The following ITGBL1 variants were observed in gnomAD, a reference collection of about 807,000 sequenced individuals.
ITGBL1 encodes integrin beta-like protein 1.
In ITGBL1, 51 loss-of-function variants were observed where a neutral mutation model predicts 68.5. The observed-to-expected ratio is 0.74, with a 90% confidence interval of 0.59 to 0.94. The LOEUF (loss-of-function observed/expected upper bound fraction) is 0.94, where lower values mean the gene tolerates loss of function less well. ITGBL1 is among the 40% of genes least tolerant of loss of function. ITGBL1 has a pLI of 0.00. For synonymous variants in ITGBL1, 209 were observed against 227.3 expected, an observed-to-expected ratio of 0.92 and a Z score of 0.72; for missense variants, 649 against 647.4, an observed-to-expected ratio of 1.00 and a Z score of -0.03.
chr13:101,621,290 C>G (rs922640256), intron 7 of ITGBL1, among the ~76,000 whole-genome samples: 2 of 152,156 alleles, frequency 1.3e-5, no homozygotes, highest in Non-Finnish European at 1.5e-5. Flanking sequence ...ACTTCATCAG[C>G]TTTCAAACAC....
At chr13:101,544,556 G>A (rs1207336663) in intron 2 of ITGBL1, among the ~76,000 whole-genome samples, 1 of 152,082 alleles carries the variant, frequency 6.6e-6, no homozygotes, top group Non-Finnish European at 1.5e-5. Flanking sequence ...CTGCATGCTG[G>A]GAGAACCACT....
At chr13:101,677,536 A>G (rs1450320731) in intron 7 of ITGBL1, among the ~76,000 whole-genome samples, 4 of 152,186 alleles carry the variant, frequency 2.6e-5, no homozygotes, top group Non-Finnish European at 2.9e-5. Context: ...TAGCACTTAT[A>G]AGTGGTAGAT....
chr13:101,678,031 G>A lies in ITGBL1; in HGVS notation c.1016-14554G>A, dbSNP rs141648320. 6.2e-3 allele frequency among the ~76,000 whole-genome samples: 937 copies of A among 152,116 alleles called. 8 individuals carry two copies. Among genetic ancestry groups the A allele is most frequent in the African/African-American group, 0.021 (858 of 41,504 alleles). ...CATTTAACTACATAAATTATATATAGTTTTACTTATGTATTTTTAAATTAT... is the reference window on the plus strand; with the variant it reads ...CATTTAACTACATAAATTATATATAATTTTACTTATGTATTTTTAAATTAT... On this transcript the variant is annotated intron_variant, in intron 7 of 10. Transcript: ENST00000376180.
chr13:101,591,796 G>A (rs1191319510), intron 6 of ITGBL1, among the ~76,000 whole-genome samples: 1 of 152,036 alleles, frequency 6.6e-6, no homozygotes, highest in East Asian at 1.9e-4. Context: ...AATTCTTCAT[G>A]CATTTTTGCA....
chr13:101,463,617 A>G (rs933574638), intron 2 of ITGBL1, among the ~76,000 whole-genome samples: 3 of 152,222 alleles, frequency 2.0e-5, no homozygotes, highest in South Asian at 4.1e-4. Flanking sequence ...GGCTTACTCT[A>G]TAAGTGCAAT....
At chr13:101,702,447 A>G (rs991097763) in intron 8 of ITGBL1, among the ~76,000 whole-genome samples, 2 of 152,168 alleles carry the variant, frequency 1.3e-5, no homozygotes, top group Non-Finnish European at 2.9e-5. Context: ...GAAAGATTAC[A>G]TCACTGATTT....
intron 3 of ITGBL1, among the ~76,000 whole-genome samples, chr13:101,570,574 T>A (rs1181842442): frequency 3.3e-5 from 5 of 152,192 alleles, no homozygotes; most frequent in Non-Finnish European, 7.4e-5. Flanking sequence ...TTATTTTATC[T>A]GAGCAAACAA....
At chr13:101,475,885 A>G (rs1022931655) in intron 2 of ITGBL1, among the ~76,000 whole-genome samples, 1 of 152,184 alleles carries the variant, frequency 6.6e-6, no homozygotes, top group African/African-American at 2.4e-5. Context: ...AAGAAGCAAC[A>G]AAACTTTCCC....
At chr13:101,611,105 C>T (rs1477038725) in intron 7 of ITGBL1, among the ~76,000 whole-genome samples, 2 of 151,966 alleles carry the variant, frequency 1.3e-5, no homozygotes, top group Admixed American at 6.6e-5. Flanking sequence ...TATGTCTCTC[C>T]CTCCCACCTA....
At chr13:101,577,868 T>G (rs2050389906) in intron 4 of ITGBL1, among the ~76,000 whole-genome samples, 1 of 152,222 alleles carries the variant, frequency 6.6e-6, no homozygotes, top group Non-Finnish European at 1.5e-5. Flanking sequence ...CTGTACTGAT[T>G]AAATCACTTG....
chr13:101,572,195 C>T (rs764049740), intron 3 of ITGBL1, among the ~76,000 whole-genome samples: 1 of 152,070 alleles, frequency 6.6e-6, no homozygotes, highest in Non-Finnish European at 1.5e-5. Flanking sequence ...CCATTTCCCC[C>T]AAATTGCATT....
chr13:101,605,257 C>T (rs570349659), intron 7 of ITGBL1, among the ~76,000 whole-genome samples: 44 of 143,966 alleles, frequency 3.1e-4, no homozygotes, highest in Non-Finnish European at 6.1e-4. Context: ...TATATATACA[C>T]ATATAGACAT....
chr13:101,626,666 TA>T (rs2031789051), intron 7 of ITGBL1, among the ~76,000 whole-genome samples: 1 of 152,222 alleles, frequency 6.6e-6, no homozygotes, highest in Non-Finnish European at 1.5e-5. Context: ...GAATTTAAAT[TA>T]AAATCCAGCT....
At chr13:101,507,057 G>T (rs2049037259) in intron 2 of ITGBL1, among the ~76,000 whole-genome samples, 1 of 152,084 alleles carries the variant, frequency 6.6e-6, no homozygotes, top group Non-Finnish European at 1.5e-5. Context: ...GAAGACATTT[G>T]GGAGAAAAAG....
rs559681218 is a variant in ITGBL1 at position 101,570,963 on chromosome 13, A to G, written c.463+3118A>G. Among the ~76,000 whole-genome samples the G allele has an allele frequency of 1.4e-4, 22 of 152,298 alleles. 1 individual carries two copies. The South Asian group carries it at 4.6e-3, about 32-fold the overall frequency. ...TGTCTCCATTTTAATTTATCTTGAC[A>G]CTAGTAAATATATGCCTGTGCATAT... On this transcript the variant is annotated intron_variant, in intron 3 of 10. Transcript: ENST00000376180.
chr13:101,605,802 G>C (rs1323844012), intron 7 of ITGBL1, among the ~76,000 whole-genome samples: 1 of 123,660 alleles, frequency 8.1e-6, no homozygotes, highest in Non-Finnish European at 1.8e-5. Flanking sequence ...ATATGTACTC[G>C]TGTGTAGACA....
At chr13:101,518,160 T>G (rs1409064969) in intron 2 of ITGBL1, among the ~76,000 whole-genome samples, 1 of 152,214 alleles carries the variant, frequency 6.6e-6, no homozygotes, top group Non-Finnish European at 1.5e-5. Context: ...TCCTGGTCAG[T>G]ACAACCGATG....
chr13:101,479,381 C>T (rs1292164089), intron 2 of ITGBL1, among the ~76,000 whole-genome samples: 3 of 152,022 alleles, frequency 2.0e-5, no homozygotes, highest in African/African-American at 7.2e-5. Context: ...AGGAAACTCT[C>T]TAGGACATCG....
intron 7 of ITGBL1, among the ~76,000 whole-genome samples, chr13:101,608,824 GATAA>G (rs1336192297): frequency 6.6e-6 from 1 of 152,002 alleles, no homozygotes; most frequent in African/African-American, 2.4e-5. Flanking sequence ...AGCCAAAGAT[GATAA>G]ATAAATGACC....
Sources: gnomAD v4.1 joint callset for allele counts (sites outside exome capture counted in the v4.1 genomes callset) on GRCh38, gnomAD v4.1.1 for gene constraint, MANE v1.5 for transcripts, NCBI Gene and HGNC (gene_info 2026-07-23, HGNC 2026-07-21) for gene names.